Variants in RBFOX1 observed in about 807,000 individuals in gnomAD.
RBFOX1 encodes the protein RNA binding protein fox-1 homolog 1.
In RBFOX1, 8 loss-of-function variants were observed where a neutral mutation model predicts 57.7. The ratio of observed to expected loss-of-function variants is 0.14; its 90% CI spans 0.08 to 0.25. RBFOX1 has a LOEUF of 0.25. RBFOX1 is among the 10% of genes least tolerant of loss of function. The pLI is 1.00. For missense variants in RBFOX1, 611 were observed against 548.5 expected (o/e 1.11, Z -1.14); for synonymous variants, 326 against 222.4 (o/e 1.47, Z -4.15).
chr16:6,604,675 A>T (rs1273295381), intron 2 of RBFOX1, among the ~76,000 whole-genome samples: 1 of 152,204 alleles, frequency 6.6e-6, no homozygotes, highest in African/African-American at 2.4e-5. Flanking sequence ...TGCATATTGA[A>T]ACTTTTTATT....
At chr16:5,383,688 G>A (rs1180850243) in intron 1 of RBFOX1, among the ~76,000 whole-genome samples, 1 of 152,164 alleles carries the variant, frequency 6.6e-6, no homozygotes. Flanking sequence ...TTTATAAGAT[G>A]TTTCACACTA....
Position 6,826,239 on chromosome 16 carries a change from T to C in RBFOX1, c.-16+171589T>C, listed in dbSNP as rs146250267. Among the ~76,000 whole-genome samples, 683 of 152,252 alleles carry C rather than the reference T, an allele frequency of 4.5e-3. 4 individuals are homozygous for C. The highest frequency in any genetic ancestry group is 0.016 in the African/African-American group (646 of 41,540). ...GTAAGAGCTTAGAACAGACTGAGTG[T>C]GGTGCCTTGTACCTGTAATCCCAGC... On this transcript the variant is annotated intron_variant, in intron 3 of 15. Coordinates refer to ENST00000550418, the MANE Select transcript of RBFOX1 (RefSeq NM_018723.4).
chr16:7,233,570 T>C (rs1008463866), intron 4 of RBFOX1, among the ~76,000 whole-genome samples: 8 of 152,338 alleles, frequency 5.3e-5, no homozygotes, highest in Middle Eastern at 3.4e-3. Context: ...TATTTTGCTC[T>C]AATGTGTACA....
chr16:5,641,616 C>A (rs981902006), intron 3 of RBFOX1, among the ~76,000 whole-genome samples: 9 of 152,274 alleles, frequency 5.9e-5, no homozygotes, highest in African/African-American at 2.2e-4. Flanking sequence ...TTTGGGTGTG[C>A]CATGCAGCAG....
chr16:6,896,714 G>T (rs1307160511), intron 3 of RBFOX1, among the ~76,000 whole-genome samples: 2 of 152,140 alleles, frequency 1.3e-5, no homozygotes, highest in Non-Finnish European at 2.9e-5. Flanking sequence ...AAAGTGCCCG[G>T]TAAATTATGC....
intron 1 of RBFOX1, among the ~76,000 whole-genome samples, chr16:6,091,733 G>A (rs371412847): frequency 4.3e-4 from 66 of 152,246 alleles, no homozygotes; most frequent in South Asian, 1.2e-3. Context: ...GGGAGACCGA[G>A]GCTGGGAGAA....
Position 7,622,660 on chromosome 16 carries a change from A to G in RBFOX1, c.677-7943A>G, listed in dbSNP as rs115396402. Among the ~76,000 whole-genome samples the G allele has an allele frequency of 4.6e-3, 698 of 152,302 alleles. 7 individuals carry two copies. Among genetic ancestry groups the G allele is most frequent in the African/African-American group, 0.016 (660 of 41,568 alleles). On this transcript the variant is annotated intron_variant, in intron 10 of 15. Coordinates refer to ENST00000550418, the MANE Select transcript of RBFOX1 (RefSeq NM_018723.4). ...TATTATGAAAACCAAAGCTTATGAA[A>G]ATAAATTGGAGTGAGGGATTATTTA...
chr16:5,542,742 A>G (rs2151063934), intron 2 of RBFOX1, among the ~76,000 whole-genome samples: 1 of 152,344 alleles, frequency 6.6e-6, no homozygotes, highest in South Asian at 2.1e-4. Context: ...TTTTCAAGTA[A>G]GAAGGCCAAA....
intron 1 of RBFOX1, among the ~76,000 whole-genome samples, chr16:5,334,835 T>C (rs147870924): frequency 6.6e-6 from 1 of 151,786 alleles, no homozygotes; most frequent in African/African-American, 2.4e-5. Context: ...TGGCCATCTT[T>C]AAGCATGGAC....
intron 2 of RBFOX1, among the ~76,000 whole-genome samples, chr16:6,453,290 G>C (rs1215084685): frequency 6.6e-6 from 1 of 152,076 alleles, no homozygotes; most frequent in Non-Finnish European, 1.5e-5. Context: ...AGGCCCCGGT[G>C]TGTGATGTTC....
rs535117315 is a variant in RBFOX1 at position 5,897,494 on chromosome 16, C to G, written c.351+30159C>G. On this transcript the variant is annotated intron_variant, in intron 4 of 19. Transcript: ENST00000641259. ...ACATATGAGTAGGATCAATGTTATT[C>G]TCGAAAATTGGCTTTGAATCTGCAA... is the stretch of plus-strand genomic sequence containing the variant. Among the ~76,000 whole-genome samples, 191 of 152,232 alleles carry G rather than the reference C, an allele frequency of 1.3e-3. 1 individual carries two copies. The highest frequency in any genetic ancestry group is 2.1e-3 in the Non-Finnish European group (141 of 67,998).
chr16:7,443,108 A>G (rs1055715300), intron 4 of RBFOX1, among the ~76,000 whole-genome samples: 2 of 152,210 alleles, frequency 1.3e-5, no homozygotes, highest in Non-Finnish European at 2.9e-5. Context: ...TACCAAGGAT[A>G]AAATGTGATT....
intron 1 of RBFOX1, among the ~76,000 whole-genome samples, chr16:5,325,194 C>T (rs531666903): frequency 6.6e-6 from 1 of 152,152 alleles, no homozygotes; most frequent in East Asian, 1.9e-4. Flanking sequence ...TTCTCTTCCT[C>T]TTTTCTCTCT....
At chr16:5,774,540 C>G (rs1326249304) in intron 3 of RBFOX1, among the ~76,000 whole-genome samples, 1 of 152,164 alleles carries the variant, frequency 6.6e-6, no homozygotes, top group African/African-American at 2.4e-5. Context: ...TCCACATATC[C>G]TAGTAAGTAG....
intron 1 of RBFOX1, among the ~76,000 whole-genome samples, chr16:6,081,012 A>G (rs1013257063): frequency 6.6e-6 from 1 of 152,188 alleles, no homozygotes; most frequent in African/African-American, 2.4e-5. Context: ...GCCTCCTGAG[A>G]GGGGAATTTT....
intron 1 of RBFOX1, among the ~76,000 whole-genome samples, chr16:6,297,052 C>A (rs1020546713): frequency 6.6e-6 from 1 of 152,090 alleles, no homozygotes; most frequent in African/African-American, 2.4e-5. Context: ...CTTTTTAGAC[C>A]ACAGAGGGTA....
chr16:6,425,205 T>G (rs1053909763), intron 2 of RBFOX1, among the ~76,000 whole-genome samples: 1 of 152,208 alleles, frequency 6.6e-6, no homozygotes, highest in Non-Finnish European at 1.5e-5. Flanking sequence ...GTTGATTTTT[T>G]AGCCAGAATC....
intron 4 of RBFOX1, among the ~76,000 whole-genome samples, chr16:7,273,220 T>TCCTTCCTTCCTTCCTTCCTC (rs2095369990): frequency 8.1e-6 from 1 of 123,036 alleles, no homozygotes; most frequent in Admixed American, 8.5e-5. Flanking sequence ...CTTCCTTCCT[T>TCCTTCCTTCCTTCCTTCCTC]CCTTCCTTCC....
chr16:6,480,259 A>C (rs2095352324), intron 2 of RBFOX1, among the ~76,000 whole-genome samples: 1 of 152,194 alleles, frequency 6.6e-6, no homozygotes, highest in Non-Finnish European at 1.5e-5. Context: ...ATATACATAC[A>C]CACTTTTCAC....
Sources: gnomAD v4.1 joint callset for allele counts (sites outside exome capture counted in the v4.1 genomes callset) on GRCh38, gnomAD v4.1.1 for gene constraint, MANE v1.5 for transcripts, NCBI Gene and HGNC (gene_info 2026-07-23, HGNC 2026-07-21) for gene names.